The following CDH13 variants were observed in gnomAD, a reference collection of about 807,000 sequenced individuals.
The protein encoded by CDH13 is cadherin 13, also known as cadherin-13.
In CDH13, 24 loss-of-function variants were observed where a neutral mutation model predicts 63.8. The ratio of observed to expected loss-of-function variants is 0.38; its 90% CI spans 0.27 to 0.53. CDH13 has a LOEUF of 0.53. CDH13 is among the 20% of genes least tolerant of loss of function. The pLI, the probability that CDH13 is intolerant of heterozygous loss-of-function variation, is 0.85. For synonymous variants in CDH13, 503 were observed against 355.3 expected (o/e 1.42, Z -4.67); for missense variants, 1,049 against 903.1 (o/e 1.16, Z -2.07).
intron 10 of CDH13, among the ~76,000 whole-genome samples, chr16:83,735,023 C>T (rs1911410592): frequency 6.6e-6 from 1 of 150,592 alleles, no homozygotes; most frequent in Non-Finnish European, 1.5e-5. Context: ...ACATAAGCGT[C>T]AGTTCTGTGG....
intron 4 of CDH13, among the ~76,000 whole-genome samples, chr16:83,127,572 A>C (rs1387333765): frequency 6.6e-6 from 1 of 151,992 alleles, no homozygotes; most frequent in African/African-American, 2.4e-5. Flanking sequence ...TCAACTAAAA[A>C]TACAAAAATT....
intron 2 of CDH13, among the ~76,000 whole-genome samples, chr16:82,923,056 C>CA (rs760933490): frequency 5.9e-5 from 9 of 151,388 alleles, no homozygotes; most frequent in East Asian, 3.9e-4. Context: ...CATTTTATTG[C>CA]AAAAAAAATG....
At chr16:82,989,903 C>T (rs1198215198) in intron 2 of CDH13, among the ~76,000 whole-genome samples, 1 of 152,088 alleles carries the variant, frequency 6.6e-6, no homozygotes, top group Non-Finnish European at 1.5e-5. Flanking sequence ...AGCCCCACGT[C>T]TCCGTTCAAC....
intron 2 of CDH13, among the ~76,000 whole-genome samples, chr16:82,962,168 G>C (rs1439111373): frequency 6.6e-6 from 1 of 152,190 alleles, no homozygotes; most frequent in Non-Finnish European, 1.5e-5. Flanking sequence ...AATTATCTGA[G>C]CGTATCCTAA....
At chr16:83,675,660 G>T (rs1914893123) in intron 9 of CDH13, among the ~76,000 whole-genome samples, 1 of 152,168 alleles carries the variant, frequency 6.6e-6, no homozygotes, top group Non-Finnish European at 1.5e-5. Flanking sequence ...TCTGTACTAG[G>T]ATTTTATTGA....
intron 5 of CDH13, among the ~76,000 whole-genome samples, chr16:83,293,982 A>C (rs1049393636): frequency 2.0e-5 from 3 of 152,184 alleles, no homozygotes; most frequent in African/African-American, 7.2e-5. Context: ...GCAGGAGGAG[A>C]AGATTGAAAA....
At chr16:83,612,462 T>C (rs1908941931) in intron 8 of CDH13, among the ~76,000 whole-genome samples, 1 of 152,080 alleles carries the variant, frequency 6.6e-6, no homozygotes, top group Non-Finnish European at 1.5e-5. Context: ...TAAAATCAAT[T>C]CCAATAATGT....
Position 82,848,525 on chromosome 16 carries a change from A to G in CDH13, c.46-9837A>G, listed in dbSNP as rs73590330. Among the ~76,000 whole-genome samples, 432 of 145,870 alleles carry G rather than the reference A, an allele frequency of 3.0e-3. 1 individual carries two copies. The highest frequency in any genetic ancestry group is 0.011 in the Middle Eastern group (3 of 276). ...CTTTTTTTAAATTATTACTTTGTCTATTTTGGTGATGTCTGATCAGTGACC... is the reference window on the plus strand; with the variant it reads ...CTTTTTTTAAATTATTACTTTGTCTGTTTTGGTGATGTCTGATCAGTGACC... On this transcript the variant is annotated intron_variant, in intron 1 of 13. Coordinates refer to ENST00000567109, the MANE Select transcript of CDH13 (RefSeq NM_001257.5).
At chr16:83,254,672 G>A (rs1181018963) in intron 5 of CDH13, among the ~76,000 whole-genome samples, 1 of 152,116 alleles carries the variant, frequency 6.6e-6, no homozygotes, top group Non-Finnish European at 1.5e-5. Context: ...GATTGATGTG[G>A]GGTATAAATA....
At position 82,814,778 on chromosome 16, in the gene CDH13, T is replaced by C. The variant is rs186178944; in HGVS notation, c.46-43584T>C. On this transcript the variant is annotated intron_variant, in intron 1 of 13. Coordinates refer to ENST00000567109, the MANE Select transcript of CDH13 (RefSeq NM_001257.5). ...GGAACTCCAATTTATAGTGGGTCAG[T>C]CAGAAGCACAGGCCACAACCTGGGC... Among the ~76,000 whole-genome samples the C allele has an allele frequency of 3.3e-5, 5 of 152,242 alleles. No individual in the cohort carries two copies. In the East Asian group the frequency reaches 7.8e-4, roughly 24 times the overall value.
chr16:83,536,373 C>T (rs185122343), intron 7 of CDH13, among the ~76,000 whole-genome samples: 11 of 152,070 alleles, frequency 7.2e-5, no homozygotes, highest in African/African-American at 2.2e-4. Flanking sequence ...TGGAAGGTCT[C>T]CTTGTGGACG....
intron 3 of CDH13, among the ~76,000 whole-genome samples, chr16:83,041,373 C>G (rs767356300): frequency 2.0e-5 from 3 of 151,060 alleles, no homozygotes; most frequent in Non-Finnish European, 4.4e-5. Context: ...AATCCAGTTT[C>G]AAGAATCAGG....
chr16:83,460,348 G>T (rs1434484648), intron 6 of CDH13, among the ~76,000 whole-genome samples: 1 of 152,222 alleles, frequency 6.6e-6, no homozygotes, highest in Non-Finnish European at 1.5e-5. Context: ...ATCTACCAAA[G>T]TGGAAGATGT....
intron 1 of CDH13, among the ~76,000 whole-genome samples, chr16:82,641,047 G>A (rs906102461): frequency 2.0e-5 from 3 of 152,176 alleles, no homozygotes; most frequent in Non-Finnish European, 4.4e-5. Context: ...AAGAAGGAAA[G>A]CCAGCAAGCC....
chr16:83,662,186 G>T (rs554824863), intron 8 of CDH13, among the ~76,000 whole-genome samples: 5 of 152,214 alleles, frequency 3.3e-5, no homozygotes, highest in African/African-American at 1.2e-4. Flanking sequence ...TATTATTTTT[G>T]AACTATTTCC....
intron 6 of CDH13, among the ~76,000 whole-genome samples, chr16:83,378,456 G>C (rs1163811737): frequency 6.6e-6 from 1 of 152,132 alleles, no homozygotes; most frequent in African/African-American, 2.4e-5. Flanking sequence ...TGTCTGCAAC[G>C]ATAATATATG....
rs145232053 is a variant in CDH13 at position 83,627,872 on chromosome 16, A to G, written c.1101+25278A>G. ...GAGCAGCCCCAAGGGCCAAAGGACT[A>G]TTTCTTGACTGTGTGTTAAACAAGG... On this transcript the variant is annotated intron_variant, in intron 8 of 13. Transcript: ENST00000567109. Among the ~76,000 whole-genome samples the G allele has an allele frequency of 7.1e-3, 1,084 of 152,316 alleles. 9 individuals carry two copies. Among genetic ancestry groups the G allele is most frequent in the Non-Finnish European group, 0.011 (761 of 68,016 alleles).
chr16:83,622,116 A>G (rs918019456), intron 8 of CDH13, among the ~76,000 whole-genome samples: 2 of 152,222 alleles, frequency 1.3e-5, no homozygotes, highest in Admixed American at 1.3e-4. Context: ...TGTGTGAGGC[A>G]CTGTTCGAGA....
chr16:83,175,211 TA>T (rs2038078047), intron 4 of CDH13, among the ~76,000 whole-genome samples: 1 of 152,074 alleles, frequency 6.6e-6, no homozygotes, highest in Non-Finnish European at 1.5e-5. Context: ...GGATAACACA[TA>T]AGATATTGGC....
Sources: gnomAD v4.1 joint callset for allele counts (sites outside exome capture counted in the v4.1 genomes callset) on GRCh38, gnomAD v4.1.1 for gene constraint, MANE v1.5 for transcripts, NCBI Gene and HGNC (gene_info 2026-07-23, HGNC 2026-07-21) for gene names.